LUZP2: variants seen among roughly 807,000 people sequenced by gnomAD.
The protein encoded by LUZP2 is leucine zipper protein 2.
In LUZP2, 52 loss-of-function variants were observed where a neutral mutation model predicts 51.6. The ratio of observed to expected loss-of-function variants is 1.01; its 90% CI spans 0.81 to 1.27. The LOEUF is 1.27. Among genes scored for constraint, LUZP2 ranks in the 50% most tolerant of loss-of-function variants. The pLI is 0.00. For missense variants in LUZP2, 436 were observed against 395.4 expected (o/e 1.10, Z -0.87); for synonymous variants, 154 against 137.3 (o/e 1.12, Z -0.85).
Position 24,869,448 on chromosome 11 carries a change from A to C in LUZP2, c.397-36543A>C, listed in dbSNP as rs922568733. 2.0e-5 allele frequency among the ~76,000 whole-genome samples: 3 copies of C among 147,606 alleles called. No individual in the cohort carries two copies. In the South Asian group the frequency reaches 6.4e-4, roughly 31 times the overall value. ...TTCTCATATTATTTCAAACTTTTCC[A>C]TCATTATTATTATTATTATCATTAT... On this transcript the variant is annotated intron_variant, in intron 5 of 11. Transcript: ENST00000336930.
chr11:24,869,994 C>T (rs10834516), intron 5 of LUZP2, among the ~76,000 whole-genome samples: 21,735 of 152,072 alleles, frequency 0.14, 1,636 homozygotes, highest in African/African-American at 0.17. Flanking sequence ...AGTGCTACTA[C>T]AGCATGAATG....
intron 5 of LUZP2, among the ~76,000 whole-genome samples, chr11:24,884,707 A>G (rs912599980): frequency 6.6e-6 from 1 of 151,874 alleles, no homozygotes; most frequent in Non-Finnish European, 1.5e-5. Flanking sequence ...CCCTCTTGCC[A>G]TTTCCTATTA....
At chr11:24,933,599 A>G (rs1422488915) in intron 7 of LUZP2, among the ~76,000 whole-genome samples, 1 of 152,184 alleles carries the variant, frequency 6.6e-6, no homozygotes, top group Non-Finnish European at 1.5e-5. Context: ...GATGCATTTC[A>G]GGAAGATATT....
intron 1 of LUZP2, among the ~76,000 whole-genome samples, chr11:24,691,094 G>T (rs1857050094): frequency 6.6e-6 from 1 of 151,854 alleles, no homozygotes; most frequent in South Asian, 2.1e-4. Flanking sequence ...GAATTCCTAT[G>T]TTTTTTTACA....
intron 9 of LUZP2, among the ~76,000 whole-genome samples, chr11:25,012,825 A>C (rs1857022350): frequency 6.6e-6 from 1 of 152,178 alleles, no homozygotes; most frequent in South Asian, 2.1e-4. Context: ...ATTTCTCAAA[A>C]AACTAAAACT....
chr11:24,612,365 G>T (rs1409199940), intron 1 of LUZP2, among the ~76,000 whole-genome samples: 2 of 152,020 alleles, frequency 1.3e-5, no homozygotes, highest in East Asian at 3.9e-4. Context: ...AAATTCTAGA[G>T]TTGACTAAAG....
chr11:25,061,056 A>G (rs1196353052), intron 10 of LUZP2, among the ~76,000 whole-genome samples: 1 of 146,692 alleles, frequency 6.8e-6, no homozygotes, highest in Non-Finnish European at 1.6e-5. Flanking sequence ...AAAGTCCAGG[A>G]GCTTCAATGT....
chr11:24,526,189 A>ATT (rs1850795259), intron 1 of LUZP2, among the ~76,000 whole-genome samples: 1 of 150,886 alleles, frequency 6.6e-6, no homozygotes, highest in Non-Finnish European at 1.5e-5. Flanking sequence ...GAAGTGCTCC[A>ATT]CTATCTGCAG....
At chr11:24,676,528 A>G (rs1440502110) in intron 1 of LUZP2, among the ~76,000 whole-genome samples, 1 of 152,250 alleles carries the variant, frequency 6.6e-6, no homozygotes, top group Non-Finnish European at 1.5e-5. Flanking sequence ...AAAAAAGTGA[A>G]TAAAACTGTC....
chr11:24,876,597 A>G (rs1338532789), intron 5 of LUZP2, among the ~76,000 whole-genome samples: 5 of 149,640 alleles, frequency 3.3e-5, no homozygotes, highest in Non-Finnish European at 7.4e-5. Flanking sequence ...TTTTGGTTCC[A>G]TATGAACTTT....
At chr11:24,633,015 G>A (rs1245807780) in intron 1 of LUZP2, among the ~76,000 whole-genome samples, 2 of 152,006 alleles carry the variant, frequency 1.3e-5, no homozygotes, top group Non-Finnish European at 2.9e-5. Context: ...CTTGAAGAAT[G>A]ATAGGATATA....
At chr11:24,552,934 T>G (rs927502421) in intron 1 of LUZP2, among the ~76,000 whole-genome samples, 2 of 150,780 alleles carry the variant, frequency 1.3e-5, no homozygotes, top group African/African-American at 4.8e-5. Flanking sequence ...TAAATAAATA[T>G]GAAAATGAAG....
chr11:24,910,854 A>G (rs1176505377), intron 6 of LUZP2, among the ~76,000 whole-genome samples: 1 of 152,120 alleles, frequency 6.6e-6, no homozygotes, highest in African/African-American at 2.4e-5. Context: ...TGGTAGATCC[A>G]CCGACAACTT....
At chr11:24,576,961 G>T (rs1241463980) in intron 1 of LUZP2, among the ~76,000 whole-genome samples, 1 of 151,912 alleles carries the variant, frequency 6.6e-6, no homozygotes, top group African/African-American at 2.4e-5. Context: ...TCAATCAGAA[G>T]AAATTGATGG....
intron 5 of LUZP2, among the ~76,000 whole-genome samples, chr11:24,901,400 T>TAAAAA (rs35888734): frequency 7.0e-6 from 1 of 143,568 alleles, no homozygotes. Flanking sequence ...CTCACTTCAT[T>TAAAAA]AAAAAAAAAA....
At chr11:24,513,893 A>G (rs987746905) in intron 1 of LUZP2, among the ~76,000 whole-genome samples, 2 of 152,240 alleles carry the variant, frequency 1.3e-5, no homozygotes, top group Non-Finnish European at 2.9e-5. Flanking sequence ...GGAAAATAAG[A>G]GTTGCCAAAC....
chr11:24,588,242 C>G (rs150282321), intron 1 of LUZP2, among the ~76,000 whole-genome samples: 3 of 151,924 alleles, frequency 2.0e-5, no homozygotes, highest in Admixed American at 6.6e-5. Flanking sequence ...AATCATAGAT[C>G]GTGCAGTTCA....
At chr11:24,776,156 A>G (rs998754931) in intron 5 of LUZP2, among the ~76,000 whole-genome samples, 1 of 152,138 alleles carries the variant, frequency 6.6e-6, no homozygotes, top group South Asian at 2.1e-4. Context: ...GTAAGAAAGG[A>G]CTCTAATTAT....
At chr11:24,810,444 G>A (rs780161861) in intron 5 of LUZP2, among the ~76,000 whole-genome samples, 1 of 152,106 alleles carries the variant, frequency 6.6e-6, no homozygotes, top group African/African-American at 2.4e-5. Context: ...TCTTTCTGGA[G>A]GGTATTCCAC....
Sources: gnomAD v4.1 joint callset for allele counts (sites outside exome capture counted in the v4.1 genomes callset) on GRCh38, gnomAD v4.1.1 for gene constraint, MANE v1.5 for transcripts, NCBI Gene and HGNC (gene_info 2026-07-23, HGNC 2026-07-21) for gene names.